GNAL: variants seen among roughly 807,000 people sequenced by gnomAD.
GNAL encodes the protein G protein subunit alpha L, also known as guanine nucleotide-binding protein G(olf) subunit alpha.
GNAL carries 18 observed loss-of-function variants against 55.1 expected under a neutral mutation model. The observed-to-expected ratio is 0.33, with a 90% CI of 0.23 to 0.48. The LOEUF is 0.48. Ranked by LOEUF, GNAL falls within the 20% of genes least tolerant of loss-of-function variation. The probability of loss-of-function intolerance (pLI) is 0.99; values close to 1 mark genes in which losing one functional copy is unlikely to be tolerated. For missense variants in GNAL, 412 were observed against 614.1 expected (o/e 0.67, Z 3.48); for synonymous variants, 253 against 237.0 (o/e 1.07, Z -0.62).
At chr18:11,742,149 T>C (rs1948826993) in intron 1 of GNAL, among the ~76,000 whole-genome samples, 1 of 152,198 alleles carries the variant, frequency 6.6e-6, no homozygotes, top group Non-Finnish European at 1.5e-5. Flanking sequence ...CTTTGTTACC[T>C]GTGTGTTCCC....
chr18:11,738,780 G>A (rs894659376), intron 1 of GNAL, among the ~76,000 whole-genome samples: 1 of 152,092 alleles, frequency 6.6e-6, no homozygotes, highest in African/African-American at 2.4e-5. Context: ...TTATTCCCCA[G>A]GGTAAAGGAG....
chr18:11,752,390 T>C lies in GNAL; in HGVS notation c.377-463T>C. The C allele has an allele frequency of 6.3e-7, 1 of 1,578,204 alleles. No individual in the cohort carries two copies. Among genetic ancestry groups the C allele is most frequent in the Non-Finnish European group, 8.6e-7 (1 of 1,166,346 alleles). ...ACGTCTCCAACTCTCTATTGCTTTT[T>C]GCGCACATTCCTAACTTCCTGACGT... On this transcript the variant is annotated intron_variant, in intron 1 of 11. Coordinates refer to ENST00000334049, the MANE Select transcript of GNAL (RefSeq NM_182978.4). This position sits in a 1 kb window ranked among gnomAD's most constrained non-coding sequence, Gnocchi z 4.5.
At chr18:11,742,040 TC>T (rs1415781209) in intron 1 of GNAL, among the ~76,000 whole-genome samples, 1 of 152,164 alleles carries the variant, frequency 6.6e-6, no homozygotes, top group African/African-American at 2.4e-5. Context: ...TCTCCTCTCT[TC>T]CCAGCCCCTG....
chr18:11,801,326 G>A (rs1401346505), intron 4 of GNAL, among the ~76,000 whole-genome samples: 2 of 152,132 alleles, frequency 1.3e-5, no homozygotes, highest in Admixed American at 1.3e-4. Context: ...CAAGGCAGGT[G>A]GATCACCTGA....
At chr18:11,753,766 T>C in intron 3 of GNAL, 60 bp from the exon 4 acceptor site, 1 of 1,492,918 alleles carries the variant, frequency 6.7e-7, no homozygotes, top group Non-Finnish European at 9.3e-7. Flanking sequence ...TTACATATTG[T>C]AGATTATCAT....
chr18:11,726,765 A>G (rs2032220641), intron 1 of GNAL, among the ~76,000 whole-genome samples: 1 of 152,190 alleles, frequency 6.6e-6, no homozygotes, highest in Non-Finnish European at 1.5e-5. Context: ...CATGAGATTC[A>G]CCATCAAAAA....
rs181106224 is a variant in GNAL at position 11,699,653 on chromosome 18, C to T, written c.376+9714C>T. 1.1e-4 allele frequency among the ~76,000 whole-genome samples: 17 copies of T among 152,058 alleles called. No homozygotes were observed. In the East Asian group the frequency reaches 1.2e-3, roughly 10 times the overall value. On this transcript the variant is annotated intron_variant, in intron 1 of 11. Transcript: ENST00000334049. ...AAAGCAGTGACTCTTAAGTGTGTTTCGGGGTCAAGTGAAAACTGTTCCCTG... is the reference window on the plus strand; with the variant it reads ...AAAGCAGTGACTCTTAAGTGTGTTTTGGGGTCAAGTGAAAACTGTTCCCTG...
In GNAL at chr18:11,823,001, A is replaced by G. The variant is rs147655178; in HGVS notation, c.625-1917A>G. 1.4e-3 allele frequency among the ~76,000 whole-genome samples: 209 copies of G among 152,182 alleles called. 1 individual carries two copies. The highest frequency in any genetic ancestry group is 4.7e-3 in the African/African-American group (193 of 41,484). ...ATTTGTTTCAATGTAGCATGAGTCT[A>G]TAGTTTTTATATATCATACGTCTGT... On this transcript the variant is annotated intron_variant, in intron 4 of 11. Transcript: ENST00000334049.
chr18:11,780,697 A>G (rs527272293), intron 4 of GNAL, among the ~76,000 whole-genome samples: 2 of 152,336 alleles, frequency 1.3e-5, no homozygotes, highest in Admixed American at 6.5e-5. Flanking sequence ...TGATTATATT[A>G]ATACCAAACT....
chr18:11,712,245 T>C lies in GNAL; in HGVS notation c.376+22306T>C, dbSNP rs375280547. On this transcript the variant is annotated intron_variant, in intron 1 of 11. Coordinates refer to ENST00000334049, the MANE Select transcript of GNAL (RefSeq NM_182978.4). ...GGTCCCTTGGGCAACACATAAAAAA[T>C]TCAGAGTTGGATATTAATTCCACTC... is the stretch of plus-strand genomic sequence containing the variant. Among the ~76,000 whole-genome samples the C allele has an allele frequency of 2.3e-3, 344 of 152,248 alleles. 1 individual carries two copies. The highest frequency in any genetic ancestry group is 7.7e-3 in the Admixed American group (118 of 15,296).
At chr18:11,762,973 C>A (rs1336679548) in intron 4 of GNAL, among the ~76,000 whole-genome samples, 2 of 152,096 alleles carry the variant, frequency 1.3e-5, no homozygotes, top group Non-Finnish European at 2.9e-5. Flanking sequence ...ATCTGAGATG[C>A]TAATAAAAGG....
chr18:11,719,312 T>C (rs2032041746), intron 1 of GNAL, among the ~76,000 whole-genome samples: 1 of 152,122 alleles, frequency 6.6e-6, no homozygotes, highest in Admixed American at 6.6e-5. Context: ...TAATTTATCT[T>C]CTTTACAAAT....
chr18:11,831,480 A>C (rs1053441599), intron 5 of GNAL, among the ~76,000 whole-genome samples: 1 of 152,200 alleles, frequency 6.6e-6, no homozygotes, highest in Non-Finnish European at 1.5e-5. Flanking sequence ...CCATGAAAAA[A>C]GTCTAAGGCT....
At chr18:11,708,917 C>T (rs2031775292) in intron 1 of GNAL, among the ~76,000 whole-genome samples, 2 of 152,170 alleles carry the variant, frequency 1.3e-5, no homozygotes, top group Admixed American at 6.5e-5. Flanking sequence ...TATTTTCGTT[C>T]AGTAGTTTTA....
chr18:11,857,143 A>G (rs1206292480), intron 5 of GNAL: 1 of 152,156 alleles, frequency 6.6e-6, no homozygotes, highest in Non-Finnish European at 1.5e-5. Context: ...TAAAAAAAAA[A>G]ATCAAGAACA....
chr18:11,712,990 C>A (rs577122697), intron 1 of GNAL, among the ~76,000 whole-genome samples: 1 of 152,184 alleles, frequency 6.6e-6, no homozygotes, highest in Non-Finnish European at 1.5e-5. Context: ...CTCTGATGTC[C>A]CCAGCCCATG....
chr18:11,843,850 G>A lies in GNAL; in HGVS notation c.723-18545G>A, dbSNP rs574968178. Among the ~76,000 whole-genome samples, 6 of 152,202 alleles carry A rather than the reference G, an allele frequency of 3.9e-5. No homozygotes were observed. In the South Asian group the frequency reaches 1.0e-3, roughly 26 times the overall value. ...TAGCAGGGCATGGTGGTGCATGCCTGTAATCCCAGCTACTTGGGAGGCTGA... is the reference window on the plus strand; with the variant it reads ...TAGCAGGGCATGGTGGTGCATGCCTATAATCCCAGCTACTTGGGAGGCTGA... On this transcript the variant is annotated intron_variant, in intron 5 of 11. Coordinates refer to ENST00000334049, the MANE Select transcript of GNAL (RefSeq NM_182978.4).
intron 11 of GNAL, among the ~76,000 whole-genome samples, chr18:11,878,485 C>T (rs1392327277): frequency 2.0e-5 from 3 of 152,178 alleles, no homozygotes; most frequent in African/African-American, 4.8e-5. Context: ...TTTGAAGCAA[C>T]GACCTTTGTA....
intron 4 of GNAL, among the ~76,000 whole-genome samples, chr18:11,762,465 CA>C (rs2033274368): frequency 6.6e-6 from 1 of 152,196 alleles, no homozygotes. Flanking sequence ...TTAAGAAATA[CA>C]GGTGTGTAAG....
Sources: gnomAD v4.1 joint callset for allele counts (sites outside exome capture counted in the v4.1 genomes callset) on GRCh38, gnomAD v4.1.1 for gene constraint, Gnocchi (gnomAD v3.1) non-coding constraint, MANE v1.5 for transcripts, NCBI Gene and HGNC (gene_info 2026-07-23, HGNC 2026-07-21) for gene names.